Variants in RGS17 observed in about 807,000 individuals in gnomAD.
RGS17 encodes the protein regulator of G protein signaling 17, also known as regulator of G-protein signaling 17.
In RGS17, 12 loss-of-function variants were observed where a neutral mutation model predicts 25.5. The observed-to-expected ratio is 0.47, with a 90% CI of 0.30 to 0.76. RGS17 has a LOEUF of 0.76. Among genes scored for constraint, RGS17 ranks in the 30% least tolerant of loss-of-function variants. The pLI, the probability that RGS17 is intolerant of heterozygous loss-of-function variation, is 0.07. For synonymous variants in RGS17, 71 were observed against 76.9 expected, an observed-to-expected ratio of 0.92 and a Z score of 0.40; for missense variants, 196 against 242.2, an observed-to-expected ratio of 0.81 and a Z score of 1.27.
rs370895588 is a variant in RGS17, at chr6:153,090,336, G to A, written c.-26+40788C>T. ...ATATTAAATCGAAAATTCCAGGCCC[G>A]GCATGGTGGCTCACATCTGTAATTC... On this transcript the variant is annotated intron_variant, in intron 1 of 4. Transcript: ENST00000206262. 3.3e-4 allele frequency among the ~76,000 whole-genome samples: 50 copies of A among 151,870 alleles called. 8 individuals carry two copies. Among genetic ancestry groups the A allele is most frequent in the Admixed American group, 2.0e-3 (31 of 15,242 alleles).
chr6:153,021,815 C>T (rs1779250758), intron 4 of RGS17, among the ~76,000 whole-genome samples: 1 of 152,094 alleles, frequency 6.6e-6, no homozygotes, highest in African/African-American at 2.4e-5. Context: ...GGTTACGACA[C>T]TAAACATTAG....
At chr6:153,012,639 G>C (rs1346005987) in intron 4 of RGS17, among the ~76,000 whole-genome samples, 2 of 152,164 alleles carry the variant, frequency 1.3e-5, no homozygotes, top group Non-Finnish European at 2.9e-5. Flanking sequence ...GAAACACCAT[G>C]TTAGAACAAC....
chr6:153,025,551 T>A (rs1169958051), intron 3 of RGS17, among the ~76,000 whole-genome samples: 2 of 151,104 alleles, frequency 1.3e-5, no homozygotes, highest in Non-Finnish European at 2.9e-5. Flanking sequence ...GTTAAAATGA[T>A]TCTGATCTTC....
At chr6:153,041,208 A>T (rs1345399798) in intron 2 of RGS17, among the ~76,000 whole-genome samples, 1 of 152,148 alleles carries the variant, frequency 6.6e-6, no homozygotes, top group African/African-American at 2.4e-5. Context: ...GTTTATAATA[A>T]TTAGAAATTT....
chr6:153,024,571 G>A (rs747233546), intron 3 of RGS17, 75 bp from the exon 4 acceptor site: 7 of 1,101,754 alleles, frequency 6.4e-6, no homozygotes, highest in Non-Finnish European at 9.5e-6. Flanking sequence ...AAGGAGAGGA[G>A]CAGATAGAAA....
intron 2 of RGS17, among the ~76,000 whole-genome samples, chr6:153,036,482 ACCCT>A (rs1776243780): frequency 6.6e-6 from 1 of 151,964 alleles, no homozygotes; most frequent in Non-Finnish European, 1.5e-5. Context: ...CCTGCTTTTC[ACCCT>A]GGAATACTCA....
chr6:153,088,808 A>T (rs1230289301), intron 1 of RGS17, among the ~76,000 whole-genome samples: 1 of 152,116 alleles, frequency 6.6e-6, no homozygotes, highest in Non-Finnish European at 1.5e-5. Flanking sequence ...GGTATATCCA[A>T]AATAGTTTAT....
intron 1 of RGS17, among the ~76,000 whole-genome samples, chr6:153,064,523 G>A (rs1032455113): frequency 1.1e-4 from 17 of 151,910 alleles, no homozygotes; most frequent in South Asian, 1.0e-3. Context: ...CCAGCTACTC[G>A]GCAGGCTGAG....
At position 153,059,467 on chromosome 6, in the gene RGS17, T is replaced by A. The variant is rs1776607233; in HGVS notation, c.-25-15424A>T. Reference sequence around the variant, plus strand: ...TTTGACTATGCCCTTTAGGGGGTACTGGCTCTGGAGTAAGAGAGATCTGGA... The same window carrying A: ...TTTGACTATGCCCTTTAGGGGGTACAGGCTCTGGAGTAAGAGAGATCTGGA... On this transcript the variant is annotated intron_variant, in intron 1 of 4. Transcript: ENST00000206262. Among the ~76,000 whole-genome samples, 3 of 152,254 alleles carry A rather than the reference T, an allele frequency of 2.0e-5. No individual in the cohort carries two copies. The South Asian group carries it at 6.2e-4, about 31-fold the overall frequency.
chr6:153,115,479 C>A (rs1562338284), intron 1 of RGS17, among the ~76,000 whole-genome samples: 1 of 152,094 alleles, frequency 6.6e-6, no homozygotes, highest in Non-Finnish European at 1.5e-5. Context: ...AAATCAATAT[C>A]GTGAAAACAG....
At chr6:153,102,786 G>C (rs514784) in intron 1 of RGS17, among the ~76,000 whole-genome samples, 130,118 of 152,244 alleles carry the variant, frequency 0.85, 55,949 homozygotes, top group African/African-American at 0.95. Context: ...ATTTTGTTGT[G>C]CCCTTCAAAT....
At chr6:153,103,650 T>G (rs1252086929) in intron 1 of RGS17, among the ~76,000 whole-genome samples, 1 of 152,252 alleles carries the variant, frequency 6.6e-6, no homozygotes. Context: ...GCCAGCCTAT[T>G]CTTGAGAAGA....
chr6:153,057,846 G>A (rs1171954745), intron 1 of RGS17, among the ~76,000 whole-genome samples: 2 of 152,062 alleles, frequency 1.3e-5, no homozygotes, highest in East Asian at 3.9e-4. Context: ...CACATGTGCA[G>A]TTCACAACAG....
chr6:153,073,694 G>A (rs998602440), intron 1 of RGS17, among the ~76,000 whole-genome samples: 1 of 152,112 alleles, frequency 6.6e-6, no homozygotes, highest in Non-Finnish European at 1.5e-5. Context: ...TAGGTCAAGA[G>A]AAGCCATCAG....
intron 1 of RGS17, among the ~76,000 whole-genome samples, chr6:153,086,949 T>C (rs980430420): frequency 6.6e-6 from 1 of 152,168 alleles, no homozygotes; most frequent in African/African-American, 2.4e-5. Flanking sequence ...TACATCATCA[T>C]TGGGTATTTG....
chr6:153,113,383 A>T (rs1262193897), intron 1 of RGS17, among the ~76,000 whole-genome samples: 1 of 152,232 alleles, frequency 6.6e-6, no homozygotes, highest in Non-Finnish European at 1.5e-5. Context: ...AGAGCTAACT[A>T]TCCTAAATAC....
At chr6:153,053,314 A>G (rs9383642) in intron 1 of RGS17, among the ~76,000 whole-genome samples, 21,337 of 152,216 alleles carry the variant, frequency 0.14, 1,570 homozygotes, top group Middle Eastern at 0.26. Context: ...ATAAGCATAC[A>G]AAACAAACAA....
chr6:153,076,191 A>G (rs1776875753), intron 1 of RGS17, among the ~76,000 whole-genome samples: 1 of 152,176 alleles, frequency 6.6e-6, no homozygotes, highest in Admixed American at 6.5e-5. Flanking sequence ...GGATATAAAC[A>G]AGGAAATCTT....
chr6:153,043,863 A>C, intron 2 of RGS17, 37 bp downstream of exon 2: 1 of 1,331,076 alleles, frequency 7.5e-7, no homozygotes, highest in Non-Finnish European at 1.1e-6. Context: ...GTGCCTGCCA[A>C]GCCTGGGTGT....
Sources: gnomAD v4.1 joint callset for allele counts (sites outside exome capture counted in the v4.1 genomes callset) on GRCh38, gnomAD v4.1.1 for gene constraint, MANE v1.5 for transcripts, NCBI Gene and HGNC (gene_info 2026-07-23, HGNC 2026-07-21) for gene names.